SYNE1: variants seen among roughly 807,000 people sequenced by gnomAD.
SYNE1 encodes the protein nesprin-1.
In SYNE1, 616 loss-of-function variants were observed where a neutral mutation model predicts 1,111.0. That is an observed-to-expected ratio of 0.55 (90% CI 0.52 to 0.59). The LOEUF is 0.59. Ranked by LOEUF, SYNE1 falls within the 20% of genes least tolerant of loss-of-function variation. SYNE1 has a pLI of 0.00. For synonymous variants in SYNE1, 3,855 were observed against 3,825.8 expected (o/e 1.01, Z -0.28); for missense variants, 10,006 against 10,417.0 (o/e 0.96, Z 1.72).
chr6:152,277,031 C>T (rs980479846), intron 98 of SYNE1, among the ~76,000 whole-genome samples: 6 of 151,516 alleles, frequency 4.0e-5, no homozygotes, highest in Admixed American at 1.3e-4. Flanking sequence ...GCTGGGACTA[C>T]AGGCGCCCAC....
intron 6 of SYNE1, among the ~76,000 whole-genome samples, chr6:152,512,035 GC>G (rs1375885183): frequency 1.3e-5 from 2 of 152,086 alleles, no homozygotes; most frequent in African/African-American, 2.4e-5. Flanking sequence ...ATAATTCTCA[GC>G]CAAGATTTCA....
chr6:152,289,357 G>T (rs1232440871), intron 95 of SYNE1, among the ~76,000 whole-genome samples: 2 of 152,138 alleles, frequency 1.3e-5, no homozygotes, highest in African/African-American at 4.8e-5. Context: ...AAAGAAACAC[G>T]GACCTTATGT....
At position 152,452,115 on chromosome 6, in the gene SYNE1, C is replaced by T. The variant is rs538517717; in HGVS notation, c.3028-910G>A. On this transcript the variant is annotated intron_variant, in intron 25 of 145. Coordinates refer to ENST00000367255, the MANE Select transcript of SYNE1 (RefSeq NM_182961.4). ...CAAGCAAGCAAGCACTCAAACACTA[C>T]ATAACATTTCATGTTCTTTTAAATG... is the stretch of plus-strand genomic sequence containing the variant. Among the ~76,000 whole-genome samples, 10 of 152,260 alleles carry T rather than the reference C, an allele frequency of 6.6e-5. No homozygotes were observed. In the South Asian group the frequency reaches 1.9e-3, roughly 28 times the overall value.
intron 24 of SYNE1, among the ~76,000 whole-genome samples, chr6:152,455,186 T>G (rs564203942): frequency 1.3e-5 from 2 of 152,354 alleles, no homozygotes; most frequent in African/African-American, 4.8e-5. Flanking sequence ...ACTTGAATTA[T>G]TCTATGACTG....
chr6:152,579,485 TC>T (rs2099512078), intron 3 of SYNE1, among the ~76,000 whole-genome samples: 1 of 152,234 alleles, frequency 6.6e-6, no homozygotes, highest in African/African-American at 2.4e-5. Context: ...ACCAGCATTT[TC>T]TTTTCCTTTC....
intron 101 of SYNE1, among the ~76,000 whole-genome samples, chr6:152,258,477 CTAAA>C (rs1292237620): frequency 1.3e-5 from 2 of 152,038 alleles, no homozygotes; most frequent in African/African-American, 4.8e-5. Context: ...TTAAAATTGA[CTAAA>C]TAAAGTTATT....
rs2098156588 is a variant in SYNE1, at chr6:152,416,446, A to G, written c.5991T>C (p.Ile1997=). The G allele has an allele frequency of 1.9e-6, 3 of 1,614,082 alleles. No individual in the cohort carries two copies. The highest frequency in any genetic ancestry group is 2.5e-6 in the Non-Finnish European group (3 of 1,180,034). Reference sequence around the variant, plus strand: ...ATCGCTCTTTGTCAGTCCTTTCTTCAATGTCCTCAATGCTTTTCAGAAGCT... The same window carrying G: ...ATCGCTCTTTGTCAGTCCTTTCTTCGATGTCCTCAATGCTTTTCAGAAGCT... ...KEELLKSIED[I]EERTDKERLK... The change falls in exon 41 of 146, where the codon ATT becomes ATC. Residue 1997 remains isoleucine (I), a synonymous_variant. Transcript: ENST00000367255.
intron 13 of SYNE1, among the ~76,000 whole-genome samples, chr6:152,483,734 T>A (rs1055403299): frequency 6.6e-5 from 10 of 151,972 alleles, no homozygotes; most frequent in African/African-American, 2.2e-4. Context: ...CAAAGATGGG[T>A]TTAAAGGATT....
chr6:152,214,875 G>A, intron 122 of SYNE1, 31 bp downstream of exon 122: 1 of 1,613,660 alleles, frequency 6.2e-7, no homozygotes, highest in Non-Finnish European at 8.5e-7. Context: ...AAGACAACTG[G>A]AGCAACCAAG....
intron 145 of SYNE1, chr6:152,125,250 C>A (rs919407853): frequency 6.5e-7 from 1 of 1,549,272 alleles, no homozygotes; most frequent in Non-Finnish European, 8.7e-7. Context: ...TAATTCAGGT[C>A]GTATTCATTT....
chr6:152,149,421 C>G, intron 136 of SYNE1, 56 bp downstream of exon 136: 1 of 1,607,448 alleles, frequency 6.2e-7, no homozygotes, highest in Non-Finnish European at 8.5e-7. Context: ...AACCCAATCC[C>G]ACACGACTTA....
At chr6:152,490,240 C>CG (rs1481610037) in intron 11 of SYNE1, among the ~76,000 whole-genome samples, 1 of 151,986 alleles carries the variant, frequency 6.6e-6, no homozygotes, top group African/African-American at 2.4e-5. Flanking sequence ...AAATACTACA[C>CG]TATTTTATAT....
intron 3 of SYNE1, among the ~76,000 whole-genome samples, chr6:152,558,976 TTTTATTTATTTATTTA>T (rs76946853): frequency 2.6e-4 from 36 of 139,988 alleles, no homozygotes; most frequent in Middle Eastern, 3.7e-3. Flanking sequence ...CATATTTAAT[TTTTATTTATTTATTTA>T]TTTATTTATT....
At chr6:152,224,948 C>T (rs1162700580) in intron 116 of SYNE1, among the ~76,000 whole-genome samples, 3 of 145,000 alleles carry the variant, frequency 2.1e-5, no homozygotes, top group African/African-American at 5.0e-5. Context: ...TATGTATACA[C>T]ATATATATGT....
At chr6:152,363,497 C>CTAAATAAATAAATAAA (rs72461138) in intron 63 of SYNE1, among the ~76,000 whole-genome samples, 2 of 144,194 alleles carry the variant, frequency 1.4e-5, no homozygotes, top group African/African-American at 5.1e-5. Flanking sequence ...CCGTCTCAAA[C>CTAAATAAATAAATAAA]TAAATAAATA....
intron 35 of SYNE1, 27 bp downstream of exon 35, chr6:152,430,455 C>G: frequency 6.3e-7 from 1 of 1,584,764 alleles, no homozygotes; most frequent in Non-Finnish European, 8.7e-7. Context: ...AATATGTAAA[C>G]TTAAGTATAG....
At position 152,149,463 on chromosome 6, in the gene SYNE1, T is replaced by A; in HGVS notation, c.24642+14A>T. The A allele has an allele frequency of 6.2e-7, 1 of 1,614,126 alleles. No individual in the cohort carries two copies. The highest frequency in any genetic ancestry group is 2.2e-5 in the East Asian group (1 of 44,882). ...TTAGATTTAATGACAACTAAGAAAA[T>A]CAATGTTACATACAGGCAGGCGGAT... On this transcript the variant is annotated intron_variant, in intron 136 of 145. Coordinates refer to ENST00000367255, the MANE Select transcript of SYNE1 (RefSeq NM_182961.4).
rs577534325 is a variant in SYNE1, at chr6:152,253,011, T to G, written c.19470+1869A>C. 1.4e-3 allele frequency among the ~76,000 whole-genome samples: 216 copies of G among 152,294 alleles called. 2 individuals are homozygous for G. The highest frequency in any genetic ancestry group is 4.1e-3 in the African/African-American group (172 of 41,562). ...GGGGAATGAGAGCAAAAGGGACTGC[T>G]GAGGCACTCGGGGATTCTGACTTGA... On this transcript the variant is annotated intron_variant, in intron 104 of 145. Transcript: ENST00000367255.
At chr6:152,544,085 T>C (rs2099291512) in intron 3 of SYNE1, among the ~76,000 whole-genome samples, 1 of 152,248 alleles carries the variant, frequency 6.6e-6, no homozygotes, top group Admixed American at 6.5e-5. Context: ...TAACAATGTT[T>C]CTGTCCTCAG....
Sources: allele counts gnomAD v4.1 joint callset (sites outside exome capture counted in the v4.1 genomes callset), GRCh38; gene constraint gnomAD v4.1.1; transcripts MANE v1.5; gene names NCBI Gene and HGNC (gene_info 2026-07-23, HGNC 2026-07-21).